The following ULK4 variants were observed in gnomAD, a reference collection of about 807,000 sequenced individuals.
The protein encoded by ULK4 is inactive serine/threonine-protein kinase ULK4.
A neutral mutation model predicts 160.6 loss-of-function variants in ULK4; 133 were observed. That is an observed-to-expected ratio of 0.83 (90% CI 0.72 to 0.96). The LOEUF (loss-of-function observed/expected upper bound fraction) is 0.96, where lower values mean the gene tolerates loss of function less well. ULK4 is among the 40% of genes least tolerant of loss of function. The probability of loss-of-function intolerance (pLI) is 0.00; values close to 1 mark genes in which losing one functional copy is unlikely to be tolerated. For synonymous variants in ULK4, 534 were observed against 539.8 expected (o/e 0.99, Z 0.15); for missense variants, 1,580 against 1,499.5 (o/e 1.05, Z -0.89).
intron 32 of ULK4, among the ~76,000 whole-genome samples, chr3:41,492,742 A>G (rs372245649): frequency 4.5e-4 from 68 of 151,476 alleles, no homozygotes; most frequent in African/African-American, 1.4e-3. Context: ...GATCTACCAA[A>G]CAAATGGAAA....
chr3:41,784,327 G>A (rs895453715), intron 21 of ULK4, among the ~76,000 whole-genome samples: 2 of 151,954 alleles, frequency 1.3e-5, no homozygotes, highest in East Asian at 1.9e-4. Context: ...CCAGCTACTC[G>A]GGAGCCTGAG....
intron 34 of ULK4, among the ~76,000 whole-genome samples, chr3:41,399,779 A>C (rs1321728448): frequency 6.6e-6 from 1 of 151,850 alleles, no homozygotes; most frequent in Non-Finnish European, 1.5e-5. Flanking sequence ...CTAATTTTTA[A>C]ATTTTGTGTA....
chr3:41,743,200 CAA>C (rs1229546873), intron 22 of ULK4, among the ~76,000 whole-genome samples: 1 of 151,574 alleles, frequency 6.6e-6, no homozygotes, highest in Non-Finnish European at 1.5e-5. Context: ...CTCCTAAAAG[CAA>C]AGAGAGTATC....
At chr3:41,511,262 A>G (rs7644279) in intron 32 of ULK4, among the ~76,000 whole-genome samples, 151,594 of 151,968 alleles carry the variant, frequency 1, 75,613 homozygotes, top group Middle Eastern at 1. Context: ...AAACCAAAAC[A>G]CAGCAGAAGA....
chr3:41,387,309 T>C (rs2081839377), intron 35 of ULK4, among the ~76,000 whole-genome samples: 1 of 152,156 alleles, frequency 6.6e-6, no homozygotes, highest in South Asian at 2.1e-4. Context: ...ATAGTCATCC[T>C]ACAACGGTAT....
At chr3:41,948,405 C>T (rs577529385) in intron 2 of ULK4, among the ~76,000 whole-genome samples, 1 of 152,038 alleles carries the variant, frequency 6.6e-6, no homozygotes, top group Admixed American at 6.6e-5. Context: ...GAGCCAAGAT[C>T]GCACCACTGC....
At chr3:41,693,114 T>C (rs1409076477) in intron 27 of ULK4, among the ~76,000 whole-genome samples, 1 of 152,222 alleles carries the variant, frequency 6.6e-6, no homozygotes, top group Admixed American at 6.5e-5. Context: ...TAAATCTTCT[T>C]TACAATATTA....
At chr3:41,407,487 A>G (rs1417046306) in intron 34 of ULK4, among the ~76,000 whole-genome samples, 5 of 152,228 alleles carry the variant, frequency 3.3e-5, no homozygotes, top group Non-Finnish European at 7.3e-5. Flanking sequence ...ACAAAATAGT[A>G]GCAAACCAAA....
At chr3:41,855,141 C>G (rs1280790564) in intron 17 of ULK4, among the ~76,000 whole-genome samples, 1 of 152,112 alleles carries the variant, frequency 6.6e-6, no homozygotes, top group Non-Finnish European at 1.5e-5. Flanking sequence ...CCTCCCCATT[C>G]TGAAACCTAC....
chr3:41,742,483 TA>T (rs2038275086), intron 22 of ULK4, among the ~76,000 whole-genome samples: 2 of 151,812 alleles, frequency 1.3e-5, no homozygotes, highest in Admixed American at 6.6e-5. Context: ...CAACCAGCAA[TA>T]AAACCTCCAC....
intron 31 of ULK4, among the ~76,000 whole-genome samples, chr3:41,601,066 C>G (rs1471127048): frequency 6.6e-6 from 1 of 152,088 alleles, no homozygotes; most frequent in Non-Finnish European, 1.5e-5. Context: ...AGAGTAAAAT[C>G]AGTAGAACTG....
chr3:41,306,128 TG>T (rs1181225910), intron 35 of ULK4, among the ~76,000 whole-genome samples: 6,344 of 60,964 alleles, frequency 0.1, 484 homozygotes, highest in South Asian at 0.14. Context: ...GGGAGGGAGG[TG>T]GGGGGGGGGG....
At chr3:41,465,594 GC>G (rs1312697484) in intron 32 of ULK4, among the ~76,000 whole-genome samples, 2 of 151,920 alleles carry the variant, frequency 1.3e-5, no homozygotes, top group Admixed American at 1.3e-4. Flanking sequence ...AATTTTTTAT[GC>G]CACTTATTTG....
At chr3:41,304,547 C>T (rs1366594713) in intron 35 of ULK4, among the ~76,000 whole-genome samples, 1 of 152,116 alleles carries the variant, frequency 6.6e-6, no homozygotes, top group Non-Finnish European at 1.5e-5. Context: ...GAGATCAACC[C>T]TAGTTGATTT....
At chr3:41,704,059 C>T (rs2036779262) in intron 27 of ULK4, among the ~76,000 whole-genome samples, 1 of 152,170 alleles carries the variant, frequency 6.6e-6, no homozygotes, top group Non-Finnish European at 1.5e-5. Flanking sequence ...TTCATTATTA[C>T]AGGCAATTCA....
At chr3:41,670,913 T>A (rs1293150927) in intron 29 of ULK4, among the ~76,000 whole-genome samples, 1 of 152,058 alleles carries the variant, frequency 6.6e-6, no homozygotes, top group Non-Finnish European at 1.5e-5. Context: ...TCCCAAACTA[T>A]CCCAGTTTAC....
intron 32 of ULK4, among the ~76,000 whole-genome samples, chr3:41,513,491 G>A (rs1185422904): frequency 1.3e-5 from 2 of 152,154 alleles, no homozygotes; most frequent in Non-Finnish European, 2.9e-5. Flanking sequence ...AAGTTATCTG[G>A]GCGTGGTGGC....
chr3:41,653,929 G>A (rs1461036521), intron 30 of ULK4, among the ~76,000 whole-genome samples: 1 of 152,162 alleles, frequency 6.6e-6, no homozygotes, highest in Non-Finnish European at 1.5e-5. Context: ...AATGCACAAT[G>A]GGAATCACTA....
intron 30 of ULK4, among the ~76,000 whole-genome samples, chr3:41,652,811 T>C (rs555431539): frequency 1.2e-4 from 18 of 152,284 alleles, no homozygotes; most frequent in African/African-American, 3.8e-4. Flanking sequence ...CTTTGTGATA[T>C]TCATTTGGAT....
Sources: gnomAD v4.1 joint callset for allele counts (sites outside exome capture counted in the v4.1 genomes callset) on GRCh38, gnomAD v4.1.1 for gene constraint, MANE v1.5 for transcripts, NCBI Gene and HGNC (gene_info 2026-07-23, HGNC 2026-07-21) for gene names.